The following SHB variants were observed in gnomAD, a reference collection of about 807,000 sequenced individuals.
The protein encoded by SHB is SH2 domain containing adaptor protein B, also known as SH2 domain-containing adapter protein B.
In SHB, 20 loss-of-function variants were observed where a neutral mutation model predicts 52.3. The ratio of observed to expected loss-of-function variants is 0.38; its 90% CI spans 0.27 to 0.56. SHB has a LOEUF of 0.56. Among genes scored for constraint, SHB ranks in the 20% least tolerant of loss-of-function variants. The probability of loss-of-function intolerance (pLI) is 0.71; values close to 1 mark genes in which losing one functional copy is unlikely to be tolerated. For missense variants in SHB, 825 were observed against 723.3 expected (o/e 1.14, Z -1.61); for synonymous variants, 397 against 316.5 (o/e 1.25, Z -2.70).
chr9:38,032,225 A>G (rs1387024034), intron 1 of SHB, among the ~76,000 whole-genome samples: 1 of 152,180 alleles, frequency 6.6e-6, no homozygotes, highest in East Asian at 1.9e-4. Flanking sequence ...CACGTACATC[A>G]TCGTATTTCA....
rs199836317 is a variant in SHB at position 38,045,611 on chromosome 9, CAA to C, written c.717+22316_717+22317del. On this transcript the variant is annotated intron_variant, in intron 1 of 5. Transcript: ENST00000377707. ...GGACAACAGAGTGAGACCCTGTCTC[CAA>C]AAAAAACAAAGCCACAACAATAAAC... Among the ~76,000 whole-genome samples, 830 of 150,972 alleles carry C rather than the reference CAA, an allele frequency of 5.5e-3. 10 individuals are homozygous for C. Among genetic ancestry groups the C allele is most frequent in the African/African-American group, 0.019 (780 of 41,128 alleles).
intron 2 of SHB, among the ~76,000 whole-genome samples, chr9:37,983,877 G>A (rs866425092): frequency 5.3e-5 from 8 of 152,174 alleles, no homozygotes; most frequent in African/African-American, 9.7e-5. Context: ...GCTGCCCCTC[G>A]CCAACCACCT....
chr9:37,995,712 G>C (rs1444026529), intron 2 of SHB, among the ~76,000 whole-genome samples: 1 of 152,168 alleles, frequency 6.6e-6, no homozygotes, highest in African/African-American at 2.4e-5. Flanking sequence ...TGAGACCAAG[G>C]GTGCTCGACA....
At chr9:37,962,236 A>G (rs1389709505) in intron 3 of SHB, among the ~76,000 whole-genome samples, 2 of 152,232 alleles carry the variant, frequency 1.3e-5, no homozygotes, top group Admixed American at 6.5e-5. Context: ...TGCCTGTATC[A>G]GAAACCACCC....
rs548190969 is a variant in SHB, at chr9:38,063,813, T to A, written c.717+4116A>T. Among the ~76,000 whole-genome samples, 211 of 151,546 alleles carry A rather than the reference T, an allele frequency of 1.4e-3. 1 individual carries two copies. Among genetic ancestry groups the A allele is most frequent in the African/African-American group, 2.8e-3 (116 of 41,146 alleles). ...GCTGGATGTTTTTTTTTTTTTTTTT[T>A]TAAAGTTAGACATGATATTATTTAT... On this transcript the variant is annotated intron_variant, in intron 1 of 5. Transcript: ENST00000377707.
intron 5 of SHB, among the ~76,000 whole-genome samples, chr9:37,929,127 C>T (rs544329655): frequency 3.2e-4 from 48 of 152,318 alleles, no homozygotes; most frequent in African/African-American, 1.2e-3. Context: ...GAGTCCCTGC[C>T]CTGAACTGTG....
chr9:38,038,346 T>A (rs1341043472), intron 1 of SHB, among the ~76,000 whole-genome samples: 1 of 152,212 alleles, frequency 6.6e-6, no homozygotes, highest in African/African-American at 2.4e-5. Flanking sequence ...ACGTGTGCAC[T>A]GCACTTTGCG....
chr9:38,005,951 T>TC (rs1564099974), intron 2 of SHB, among the ~76,000 whole-genome samples: 2 of 152,156 alleles, frequency 1.3e-5, no homozygotes, highest in East Asian at 3.9e-4. Flanking sequence ...TCCAGCACCT[T>TC]CCCTAACACA....
At chr9:38,055,445 G>GCCCACCATCAACA (rs1564111962) in intron 1 of SHB, among the ~76,000 whole-genome samples, 1 of 152,120 alleles carries the variant, frequency 6.6e-6, no homozygotes, top group East Asian at 1.9e-4. Context: ...GAAAACGGTG[G>GCCCACCATCAACA]GGTGCAGAGG....
At chr9:37,937,126 T>A (rs1832380930) in intron 5 of SHB, among the ~76,000 whole-genome samples, 1 of 152,228 alleles carries the variant, frequency 6.6e-6, no homozygotes, top group African/African-American at 2.4e-5. Context: ...AGTACTTCCC[T>A]ACTGTCCTGT....
rs117149829 is a variant in SHB at position 38,068,182 on chromosome 9, G to A, written c.464C>T (p.Ser155Phe). The change falls in exon 1 of 6, where the codon TCC becomes TTC. Residue 155 changes from serine (S) to phenylalanine (F), a missense_variant. By Grantham distance (155) the Ser-to-Phe change is radical. Transcript: ENST00000377707. ...GCGGTAGAGATGCGGAGAGCCGGAG[G>A]ACGAGGACGAGGACGCGGCGGCCCC... ...GAGAAASSSSSSGSPHLYRSS... is the reference protein window; with the variant it reads ...GAGAAASSSSFSGSPHLYRSS... 1,341 of 1,414,766 alleles carry A rather than the reference G, an allele frequency of 9.5e-4. 10 individuals carry two copies. In the East Asian group the frequency reaches 0.024, roughly 25 times the overall value. 87.6% of individuals were successfully genotyped at this position (1,414,766 alleles called of 1,614,324 possible). A position where few individuals can be genotyped will look rare whatever the true frequency, so the allele number is the denominator to read the frequency against.
intron 5 of SHB, among the ~76,000 whole-genome samples, chr9:37,927,213 T>C (rs1221400949): frequency 6.6e-6 from 1 of 152,186 alleles, no homozygotes; most frequent in Non-Finnish European, 1.5e-5. Context: ...TCCTTCTAGC[T>C]GAGATGTTCT....
intron 2 of SHB, among the ~76,000 whole-genome samples, chr9:38,008,429 T>C (rs968844954): frequency 6.6e-6 from 1 of 152,254 alleles, no homozygotes; most frequent in Non-Finnish European, 1.5e-5. Flanking sequence ...TTACACTTGA[T>C]GATCTCCTTC....
At chr9:37,966,135 G>T (rs1190585994) in intron 3 of SHB, among the ~76,000 whole-genome samples, 6 of 152,178 alleles carry the variant, frequency 3.9e-5, no homozygotes, top group Non-Finnish European at 8.8e-5. Context: ...CACTGCGTCT[G>T]GCCTGATTTA....
chr9:37,974,039 G>T (rs1015408283), intron 3 of SHB, among the ~76,000 whole-genome samples: 1 of 152,194 alleles, frequency 6.6e-6, no homozygotes, highest in African/African-American at 2.4e-5. Context: ...CGGATCACCT[G>T]AGGTCAGGAG....
At chr9:37,930,636 A>G (rs1266571645) in intron 5 of SHB, among the ~76,000 whole-genome samples, 1 of 152,222 alleles carries the variant, frequency 6.6e-6, no homozygotes, top group Non-Finnish European at 1.5e-5. Flanking sequence ...CACTATCCAC[A>G]AAGCACCTTA....
intron 3 of SHB, among the ~76,000 whole-genome samples, chr9:37,962,805 G>A (rs562058905): frequency 1.1e-4 from 16 of 152,228 alleles, no homozygotes; most frequent in Middle Eastern, 3.4e-3. Flanking sequence ...GAGCCACTAT[G>A]CCTGGCCTAG....
chr9:37,928,754 CTGGCCCCTTATGTAAAGG>C (rs1348752309), intron 5 of SHB, among the ~76,000 whole-genome samples: 1 of 152,254 alleles, frequency 6.6e-6, no homozygotes, highest in Non-Finnish European at 1.5e-5. Context: ...CCCGGCTCGC[CTGGCCCCTTATGTAAAGG>C]TGTAAGACAC....
chr9:37,940,801 C>T (rs1832426000), intron 5 of SHB, among the ~76,000 whole-genome samples: 1 of 152,200 alleles, frequency 6.6e-6, no homozygotes, highest in Admixed American at 6.5e-5. Context: ...CCTGGAGCTG[C>T]TACCTTGACT....
Sources: gnomAD v4.1 joint callset for allele counts (sites outside exome capture counted in the v4.1 genomes callset) on GRCh38, gnomAD v4.1.1 for gene constraint, MANE v1.5 for transcripts, NCBI Gene and HGNC (gene_info 2026-07-23, HGNC 2026-07-21) for gene names.